Variants in PLEKHM3 observed in about 807,000 individuals in gnomAD.
The protein encoded by PLEKHM3 is pleckstrin homology domain-containing family M member 3.
In PLEKHM3, 45 loss-of-function variants were observed where a neutral mutation model predicts 81.8. The ratio of observed to expected loss-of-function variants is 0.55; its 90% confidence interval spans 0.43 to 0.71. The LOEUF (loss-of-function observed/expected upper bound fraction) is 0.71, where lower values mean the gene tolerates loss of function less well. PLEKHM3 is among the 30% of genes least tolerant of loss of function. PLEKHM3 has a pLI of 0.00. For synonymous variants in PLEKHM3, 352 were observed against 356.4 expected (o/e 0.99, Z 0.14); for missense variants, 788 against 924.3 (o/e 0.85, Z 1.91).
intron 1 of PLEKHM3, among the ~76,000 whole-genome samples, chr2:208,012,664 T>C (rs570148657): frequency 1.3e-5 from 2 of 152,354 alleles, no homozygotes; most frequent in South Asian, 4.1e-4. Flanking sequence ...GAAAGGGTCA[T>C]GTCCCCACAC....
rs1035096544 is a variant in PLEKHM3, at chr2:207,827,935, G to C, written c.*384C>G. On this transcript the variant is annotated 3_prime_UTR_variant, in exon 8 of 8. Transcript: ENST00000427836. ...CAAAAATAACCTAAAGCACTGTTTTGTGCAGGAAATGCTTCCTTTTGTGTC... is the reference window on the plus strand; with the variant it reads ...CAAAAATAACCTAAAGCACTGTTTTCTGCAGGAAATGCTTCCTTTTGTGTC... 84 of 153,806 alleles carry C rather than the reference G, an allele frequency of 5.5e-4. No homozygotes were observed. The highest frequency in any genetic ancestry group is 2.5e-4 in the Non-Finnish European group (17 of 69,266). 9.5% of individuals were successfully genotyped at this position (153,806 alleles called of 1,614,324 possible). A position where few individuals can be genotyped will look rare whatever the true frequency, so the allele number is the denominator to read the frequency against.
chr2:207,836,259 G>A (rs1218550162), intron 7 of PLEKHM3, among the ~76,000 whole-genome samples: 3 of 149,490 alleles, frequency 2.0e-5, no homozygotes, highest in Non-Finnish European at 4.4e-5. Flanking sequence ...AGGAGGCAGA[G>A]GTTGCAGTGA....
chr2:207,924,185 G>A (rs1689306927), intron 5 of PLEKHM3, among the ~76,000 whole-genome samples: 1 of 151,462 alleles, frequency 6.6e-6, no homozygotes, highest in South Asian at 2.1e-4. Context: ...GATTACAAGT[G>A]TGAGCTGCTG....
intron 4 of PLEKHM3, among the ~76,000 whole-genome samples, chr2:207,936,022 A>T (rs138077767): frequency 6.6e-6 from 1 of 152,354 alleles, no homozygotes. Context: ...TCTGTTACCC[A>T]GGCTGGCTGG....
At chr2:207,881,484 C>T (rs1435688282) in intron 6 of PLEKHM3, among the ~76,000 whole-genome samples, 5 of 152,106 alleles carry the variant, frequency 3.3e-5, no homozygotes, top group Admixed American at 1.3e-4. Context: ...GGATACTGAA[C>T]GGAGGAGCTG....
intron 1 of PLEKHM3, among the ~76,000 whole-genome samples, chr2:208,015,716 G>A (rs559270396): frequency 1.3e-5 from 2 of 152,278 alleles, no homozygotes; most frequent in Non-Finnish European, 2.9e-5. Context: ...AATTGCCCAA[G>A]CCTTTTACTA....
chr2:207,912,954 T>C (rs1184723015), intron 5 of PLEKHM3, among the ~76,000 whole-genome samples: 6 of 152,188 alleles, frequency 3.9e-5, no homozygotes, highest in South Asian at 2.1e-4. Flanking sequence ...CTCAGGAAAG[T>C]GTGGGCCCCG....
In PLEKHM3 at chr2:208,001,779, A is replaced by G; in HGVS notation, c.-140T>C. On this transcript the variant is annotated 5_prime_UTR_variant, in exon 2 of 8. Coordinates refer to ENST00000427836, the MANE Select transcript of PLEKHM3 (RefSeq NM_001080475.3). Reference sequence around the variant, plus strand: ...AAACCTTCATTGGGCTCCCTGGAGCAGGCCAAACCCAAAGTGGTTGATGTT... The same window carrying G: ...AAACCTTCATTGGGCTCCCTGGAGCGGGCCAAACCCAAAGTGGTTGATGTT... The G allele has an allele frequency of 7.2e-7, 1 of 1,383,326 alleles. No individual in the cohort carries two copies. Among genetic ancestry groups the G allele is most frequent in the Non-Finnish European group, 9.7e-7 (1 of 1,032,650 alleles). The allele number at this position is 1,383,326 out of a possible 1,614,324, so 85.7% of individuals were successfully genotyped here.
At chr2:207,918,637 T>C (rs931440447) in intron 5 of PLEKHM3, among the ~76,000 whole-genome samples, 5 of 152,124 alleles carry the variant, frequency 3.3e-5, no homozygotes, top group Admixed American at 6.5e-5. Context: ...ATCAAAGTGG[T>C]AGGATATGGG....
intron 6 of PLEKHM3, among the ~76,000 whole-genome samples, chr2:207,875,972 T>C (rs2092558157): frequency 6.6e-6 from 1 of 152,236 alleles, no homozygotes; most frequent in South Asian, 2.1e-4. Context: ...TGTGTATACA[T>C]GCCCAAATAT....
At chr2:207,875,482 G>A (rs916571174) in intron 6 of PLEKHM3, among the ~76,000 whole-genome samples, 7 of 152,336 alleles carry the variant, frequency 4.6e-5, no homozygotes, top group African/African-American at 1.4e-4. Context: ...CTTTTCAGAA[G>A]GCAACTGGAC....
At chr2:207,978,243 G>A (rs148594683) in intron 2 of PLEKHM3, among the ~76,000 whole-genome samples, 91 of 152,212 alleles carry the variant, frequency 6.0e-4, no homozygotes, top group Middle Eastern at 3.4e-3. Flanking sequence ...ACTGTGACTA[G>A]TTATGCCTTG....
intron 3 of PLEKHM3, among the ~76,000 whole-genome samples, chr2:207,950,034 T>C (rs1215030951): frequency 6.6e-6 from 1 of 152,178 alleles, no homozygotes; most frequent in Non-Finnish European, 1.5e-5. Context: ...GTTAACTAAC[T>C]GAGTTAAACA....
intron 7 of PLEKHM3, among the ~76,000 whole-genome samples, chr2:207,835,754 CT>C (rs1204268680): frequency 7.2e-5 from 11 of 152,160 alleles, no homozygotes; most frequent in African/African-American, 2.7e-4. Flanking sequence ...GAGTTTGCCC[CT>C]ATTTAATAAA....
intron 7 of PLEKHM3, among the ~76,000 whole-genome samples, chr2:207,858,180 A>ATATTTTTTT (rs751293954): frequency 3.9e-5 from 4 of 103,846 alleles, no homozygotes; most frequent in African/African-American, 1.5e-4. Flanking sequence ...GTGTGTATAT[A>ATATTTTTTT]TTTTTTTTTT....
intron 3 of PLEKHM3, among the ~76,000 whole-genome samples, chr2:207,962,949 C>T (rs1461425574): frequency 6.7e-6 from 1 of 148,610 alleles, no homozygotes; most frequent in Non-Finnish European, 1.5e-5. Context: ...AAAGACGTGC[C>T]CGGAAACTTG....
At chr2:207,873,181 A>AT (rs1250012254) in intron 6 of PLEKHM3, among the ~76,000 whole-genome samples, 10 of 151,392 alleles carry the variant, frequency 6.6e-5, no homozygotes, top group South Asian at 2.1e-4. Flanking sequence ...TTCTGTGGCA[A>AT]TTTTTTTTTA....
intron 1 of PLEKHM3, among the ~76,000 whole-genome samples, chr2:208,003,069 G>A (rs544473122): frequency 6.6e-6 from 1 of 152,286 alleles, no homozygotes; most frequent in East Asian, 1.9e-4. Context: ...TGTTGTGGGA[G>A]GGACCCAGTG....
At chr2:207,954,540 G>A (rs1430758023) in intron 3 of PLEKHM3, among the ~76,000 whole-genome samples, 7 of 152,112 alleles carry the variant, frequency 4.6e-5, no homozygotes, top group Non-Finnish European at 7.4e-5. Flanking sequence ...CATCTATGAC[G>A]TATAATCATG....
Sources: allele counts gnomAD v4.1 joint callset (sites outside exome capture counted in the v4.1 genomes callset), GRCh38; gene constraint gnomAD v4.1.1; transcripts MANE v1.5; gene names NCBI Gene and HGNC (gene_info 2026-07-23, HGNC 2026-07-21).